ABCB7: variants seen among roughly 807,000 people sequenced by gnomAD.
ABCB7 encodes the protein ATP binding cassette subfamily B member 7, also known as iron-sulfur clusters transporter ABCB7, mitochondrial.
ABCB7 carries 7 observed loss-of-function variants against 54.4 expected under a neutral mutation model. The observed-to-expected ratio is 0.13, with a 90% CI of 0.07 to 0.24. The LOEUF (loss-of-function observed/expected upper bound fraction) is 0.24, where lower values mean the gene tolerates loss of function less well. Among genes scored for constraint, ABCB7 ranks in the 10% least tolerant of loss-of-function variants. ABCB7 has a pLI of 1.00. For synonymous variants in ABCB7, 218 were observed against 207.1 expected (o/e 1.05, Z -0.45); for missense variants, 356 against 570.4 (o/e 0.62, Z 3.83).
At chrX:75,102,853 T>C (rs765563854) in intron 3 of ABCB7, among the ~76,000 whole-genome samples, 1 of 111,924 alleles carries the variant, frequency 8.9e-6, no homozygotes, top group South Asian at 3.7e-4. Context: ...CCATTATAAC[T>C]GAGGGAAGAG....
intron 1 of ABCB7, among the ~76,000 whole-genome samples, chrX:75,139,869 G>A (rs1187813191): frequency 9.0e-6 from 1 of 111,681 alleles, no homozygotes; most frequent in African/African-American, 3.3e-5. Context: ...TTAATGCATT[G>A]TGAAGATGCC....
rs1207213259 is a variant in ABCB7, at chrX:75,052,119, G to A, written c.*1251C>T. On this transcript the variant is annotated 3_prime_UTR_variant, in exon 16 of 16. Transcript: ENST00000373394. ...AATGATGAAGAATATTCTACATAGC[G>A]ACATGAGAATGAAGGTTTTTTTCCT... 9.2e-6 allele frequency: 1 copy of A among 108,784 alleles called. No individual in the cohort carries two copies. Among genetic ancestry groups the A allele is most frequent in the Non-Finnish European group, 1.9e-5 (1 of 53,212 alleles). The allele number at this position is 108,784 out of a possible 1,213,427, so 9.0% of individuals were successfully genotyped here. A position where few individuals can be genotyped will look rare whatever the true frequency, so the allele number is the denominator to read the frequency against.
intron 4 of ABCB7, among the ~76,000 whole-genome samples, chrX:75,086,038 G>A (rs1360928795): frequency 1.8e-5 from 2 of 109,622 alleles, no homozygotes; most frequent in Non-Finnish European, 3.8e-5. Context: ...GTAGAGATAG[G>A]GTTTCACCAT....
At chrX:75,087,928 C>G (rs2081512273) in intron 4 of ABCB7, among the ~76,000 whole-genome samples, 2 of 111,911 alleles carry the variant, frequency 1.8e-5, no homozygotes, top group Non-Finnish European at 1.9e-5. Flanking sequence ...CTTGCAGTCT[C>G]AACTCCACTA....
chrX:75,107,156 C>T (rs1274248384), intron 3 of ABCB7, among the ~76,000 whole-genome samples: 1 of 111,193 alleles, frequency 9.0e-6, no homozygotes, highest in Admixed American at 9.5e-5. Context: ...AGCTGATGCC[C>T]GTCGGCAGAG....
chrX:75,094,173 TC>T (rs1193979737), intron 4 of ABCB7, among the ~76,000 whole-genome samples: 1 of 108,237 alleles, frequency 9.2e-6, no homozygotes, highest in Non-Finnish European at 1.9e-5. Context: ...TAAATCACTC[TC>T]CCTTGAAATT....
chrX:75,146,690 A>G (rs748777149), intron 1 of ABCB7, among the ~76,000 whole-genome samples: 5 of 112,126 alleles, frequency 4.5e-5, no homozygotes, highest in Non-Finnish European at 7.5e-5. Flanking sequence ...AAAGACTTAC[A>G]TGTAAAATCC....
intron 5 of ABCB7, 54 bp from the exon 6 acceptor site, chrX:75,075,684 AG>A: frequency 9.0e-7 from 1 of 1,109,546 alleles, no homozygotes; most frequent in African/African-American, 1.8e-5. Flanking sequence ...GAATCAAAGG[AG>A]TATAGAAATG....
intron 1 of ABCB7, among the ~76,000 whole-genome samples, chrX:75,143,090 T>C (rs1198732015): frequency 8.9e-6 from 1 of 112,388 alleles, no homozygotes; most frequent in Non-Finnish European, 1.9e-5. Flanking sequence ...ATTTACTCTA[T>C]TTATCAAAGC....
chrX:75,115,891 G>A (rs2081813592), intron 1 of ABCB7, among the ~76,000 whole-genome samples: 1 of 110,628 alleles, frequency 9.0e-6, no homozygotes, highest in African/African-American at 3.3e-5. Context: ...GCGATCTTAA[G>A]AGTGACAAAG....
chrX:75,112,764 TAGAG>T, intron 3 of ABCB7, 118 bp downstream of exon 3: 1 of 542,063 alleles, frequency 1.8e-6, no homozygotes, highest in Non-Finnish European at 3.2e-6. Context: ...TTTTTTTCAT[TAGAG>T]AACATGCAGT....
chrX:75,071,688 A>G lies in ABCB7; in HGVS notation c.1033-5T>C, dbSNP rs2081364803. 7 of 1,069,606 alleles carry G rather than the reference A, an allele frequency of 6.5e-6. No homozygotes were observed. The highest frequency in any genetic ancestry group is 8.9e-6 in the Non-Finnish European group (7 of 782,449). 88.1% of individuals were successfully genotyped at this position (1,069,606 alleles called of 1,213,427 possible). A position where few individuals can be genotyped will look rare whatever the true frequency, so the allele number is the denominator to read the frequency against. On this transcript the variant is annotated splice_polypyrimidine_tract_variant and splice_region_variant and intron_variant, in intron 8 of 15. Transcript: ENST00000373394. ...ATATCTTTCATTATTAAAATACTAC[A>G]AAATATATAAAAATAACTATAGGCA...
Position 75,076,398 on chromosome X carries a change from C to T in ABCB7, c.586+124G>A, listed in dbSNP as rs775065174. 251 of 913,313 alleles carry T rather than the reference C, an allele frequency of 2.7e-4. No individual in the cohort carries two copies. In the African/African-American group the frequency reaches 4.7e-3, roughly 17 times the overall value. The allele number at this position is 913,313 out of a possible 1,213,427, so 75.3% of individuals were successfully genotyped here. The stretch of plus-strand genomic sequence containing the variant: ...TTAAAAACACATACAAAACATCTCA[C>T]ATAAAACAACAAACATCCAAAACGC... On this transcript the variant is annotated intron_variant, in intron 5 of 15. Coordinates refer to ENST00000373394, the MANE Select transcript of ABCB7 (RefSeq NM_001271696.3).
intron 1 of ABCB7, among the ~76,000 whole-genome samples, chrX:75,115,779 T>C (rs2081811364): frequency 9.8e-6 from 1 of 101,971 alleles, no homozygotes; most frequent in African/African-American, 3.8e-5. Context: ...GCTGGTTGTG[T>C]GTGTGTTGGG....
intron 4 of ABCB7, among the ~76,000 whole-genome samples, chrX:75,082,645 G>A (rs1396848133): frequency 4.5e-5 from 5 of 111,464 alleles, no homozygotes; most frequent in South Asian, 3.7e-4. Flanking sequence ...TGACTGATGC[G>A]GTTTACAGTA....
intron 14 of ABCB7, 109 bp from the exon 15 acceptor site, chrX:75,060,439 GTT>G: frequency 1.7e-6 from 1 of 584,733 alleles, no homozygotes; most frequent in Non-Finnish European, 2.8e-6. Flanking sequence ...AAAAATGCCA[GTT>G]TTTTTTTAGT....
chrX:75,142,259 T>A (rs1272305762), intron 1 of ABCB7, among the ~76,000 whole-genome samples: 2 of 112,011 alleles, frequency 1.8e-5, no homozygotes, highest in Non-Finnish European at 3.8e-5. Flanking sequence ...ATACCTTAAA[T>A]CATCTCTATA....
intron 4 of ABCB7, among the ~76,000 whole-genome samples, chrX:75,093,501 C>A (rs916279176): frequency 9.0e-6 from 1 of 110,551 alleles, no homozygotes; most frequent in Non-Finnish European, 1.9e-5. Context: ...GGTGAATACA[C>A]GACATTATAC....
In ABCB7 at chrX:75,052,770, T is replaced by G. The variant is rs1602321844; in HGVS notation, c.*600A>C. On this transcript the variant is annotated 3_prime_UTR_variant, in exon 16 of 16. Transcript: ENST00000373394. ...TCCAGCCTGGGTGACAGAATGAGAATCTGTCTCAAAAAAAAAAAACAACAA... is the reference window on the plus strand; with the variant it reads ...TCCAGCCTGGGTGACAGAATGAGAAGCTGTCTCAAAAAAAAAAAACAACAA... 1 of 97,868 alleles carries G rather than the reference T, an allele frequency of 1.0e-5. No homozygotes were observed. The highest frequency in any genetic ancestry group is 1.1e-4 in the Admixed American group (1 of 9,179). The allele number at this position is 97,868 out of a possible 1,213,427, so 8.1% of individuals were successfully genotyped here.
Sources: gnomAD v4.1 joint callset for allele counts (sites outside exome capture counted in the v4.1 genomes callset) on GRCh38, gnomAD v4.1.1 for gene constraint, MANE v1.5 for transcripts, NCBI Gene and HGNC (gene_info 2026-07-23, HGNC 2026-07-21) for gene names.